Variants in WASF3 observed in about 807,000 individuals in gnomAD.
The protein encoded by WASF3 is actin-binding protein WASF3.
A neutral mutation model predicts 46.6 loss-of-function variants in WASF3; 11 were observed. The observed-to-expected ratio is 0.24, with a 90% CI of 0.15 to 0.39. The LOEUF (loss-of-function observed/expected upper bound fraction) is 0.39. WASF3 is among the 10% of genes least tolerant of loss of function. WASF3 has a pLI of 1.00. For missense variants in WASF3, 576 were observed against 669.8 expected (o/e 0.86, Z 1.55); for synonymous variants, 242 against 259.7 (o/e 0.93, Z 0.65).
At chr13:26,608,513 A>G (rs1443173010) in intron 1 of WASF3, among the ~76,000 whole-genome samples, 1 of 152,098 alleles carries the variant, frequency 6.6e-6, no homozygotes, top group African/African-American at 2.4e-5. Flanking sequence ...GTATTTATTT[A>G]TGTTTGTTTA....
chr13:26,613,956 C>T (rs1322749642), intron 2 of WASF3, among the ~76,000 whole-genome samples: 2 of 152,146 alleles, frequency 1.3e-5, no homozygotes, highest in Non-Finnish European at 2.9e-5. Flanking sequence ...ACTAGTAGGG[C>T]AAGTTATTTC....
intron 1 of WASF3, among the ~76,000 whole-genome samples, chr13:26,569,845 A>G (rs971925250): frequency 9.9e-5 from 15 of 152,258 alleles, no homozygotes; most frequent in African/African-American, 3.4e-4. Context: ...ACAGATAACA[A>G]TGTCAGCCAT....
At chr13:26,670,991 A>AT (rs1358766021) in intron 5 of WASF3, among the ~76,000 whole-genome samples, 7 of 152,200 alleles carry the variant, frequency 4.6e-5, no homozygotes, top group Admixed American at 3.3e-4. Flanking sequence ...TCCTATACTC[A>AT]TTTAACTGAT....
intron 1 of WASF3, among the ~76,000 whole-genome samples, chr13:26,582,694 A>AAC (rs1446966570): frequency 6.6e-6 from 1 of 150,998 alleles, no homozygotes; most frequent in Non-Finnish European, 1.5e-5. Context: ...AAAAAAAAAA[A>AAC]AAAAAGCCTA....
chr13:26,562,503 G>A (rs1879324084), intron 1 of WASF3, among the ~76,000 whole-genome samples: 1 of 152,106 alleles, frequency 6.6e-6, no homozygotes, highest in Non-Finnish European at 1.5e-5. Flanking sequence ...GGTGGTTAGG[G>A]GTGGTTATAG....
chr13:26,625,997 G>A (rs1190492543), intron 2 of WASF3: 1 of 152,046 alleles, frequency 6.6e-6, no homozygotes, highest in Admixed American at 6.6e-5. Flanking sequence ...AGAACAGGTG[G>A]GACAAATAGA....
upstream of WASF3, among the ~76,000 whole-genome samples, chr13:26,553,548 T>C (rs1879013683): frequency 6.6e-6 from 1 of 152,098 alleles, no homozygotes; most frequent in African/African-American, 2.4e-5. Context: ...CCGGGCACGG[T>C]GGCTCACGCC....
Position 26,682,485 on chromosome 13 carries a change from G to A in WASF3, c.984-122G>A. The A allele has an allele frequency of 8.6e-7, 1 of 1,163,730 alleles. No individual in the cohort carries two copies. Among genetic ancestry groups the A allele is most frequent in the Non-Finnish European group, 1.2e-6 (1 of 802,382 alleles). The allele number at this position is 1,163,730 out of a possible 1,614,324, so 72.1% of individuals were successfully genotyped here. A position where few individuals can be genotyped will look rare whatever the true frequency, so the allele number is the denominator to read the frequency against. On this transcript the variant is annotated intron_variant, in intron 8 of 9. Coordinates refer to ENST00000335327, the MANE Select transcript of WASF3 (RefSeq NM_006646.6). The surrounding 1 kb of genome is among the most constrained non-coding windows in gnomAD (Gnocchi z 4.4). ...GGTGTGCATGTTTGCATCCTGCCATGATTGAAGTTCAGGTGACAATACGTG... is the reference window on the plus strand; with the variant it reads ...GGTGTGCATGTTTGCATCCTGCCATAATTGAAGTTCAGGTGACAATACGTG...
chr13:26,545,171 G>T, the WASF3 span, among the ~76,000 whole-genome samples: 1 of 152,168 alleles, frequency 6.6e-6, no homozygotes, highest in South Asian at 2.1e-4. Context: ...TAGGAGCTCT[G>T]CTGCTGTTTG....
intron 1 of WASF3, among the ~76,000 whole-genome samples, chr13:26,574,631 T>C (rs1440136978): frequency 6.6e-6 from 1 of 152,178 alleles, no homozygotes; most frequent in Non-Finnish European, 1.5e-5. Flanking sequence ...TTAAGCTGAT[T>C]CATATTAATT....
chr13:26,600,776 A>G (rs1324379398), intron 1 of WASF3, among the ~76,000 whole-genome samples: 1 of 152,140 alleles, frequency 6.6e-6, no homozygotes, highest in African/African-American at 2.4e-5. Flanking sequence ...TGCATTACTT[A>G]TTACCTCCAA....
intron 6 of WASF3, 104 bp from the exon 7 acceptor site, chr13:26,676,444 TG>T: frequency 8.0e-7 from 1 of 1,254,990 alleles, no homozygotes; most frequent in Admixed American, 2.3e-5. Flanking sequence ...GAATGTGTCT[TG>T]TCTGTTCATC....
chr13:26,539,911 A>G, the WASF3 span, among the ~76,000 whole-genome samples: 1 of 152,164 alleles, frequency 6.6e-6, no homozygotes, highest in African/African-American at 2.4e-5. Context: ...TCTACAGGTC[A>G]AAGTCCCTTC....
At chr13:26,606,766 A>C (rs1286748573) in intron 1 of WASF3, 1 of 152,066 alleles carries the variant, frequency 6.6e-6, no homozygotes, top group Non-Finnish European at 1.5e-5. Flanking sequence ...TCTTGGTGTC[A>C]CTGTTCCTCT....
At chr13:26,646,485 G>C (rs2137421178) in intron 3 of WASF3, among the ~76,000 whole-genome samples, 1 of 152,156 alleles carries the variant, frequency 6.6e-6, no homozygotes, top group East Asian at 1.9e-4. Context: ...AATGAGAATG[G>C]ATCATCTTAA....
intron 2 of WASF3, among the ~76,000 whole-genome samples, chr13:26,630,403 T>TG (rs1340143771): frequency 6.6e-6 from 1 of 152,136 alleles, no homozygotes; most frequent in African/African-American, 2.4e-5. Flanking sequence ...AGTGAGAACA[T>TG]GCAGTGTTTG....
At chr13:26,667,467 A>C (rs773690969) in intron 4 of WASF3, 50 bp from the exon 5 acceptor site, 3 of 1,531,100 alleles carry the variant, frequency 2.0e-6, no homozygotes, top group Non-Finnish European at 2.7e-6. Context: ...ACTTCTAAAC[A>C]GTTAAAAATA....
intron 2 of WASF3, among the ~76,000 whole-genome samples, chr13:26,627,886 TAATAAAG>T (rs1391703456): frequency 7.2e-6 from 1 of 138,610 alleles, no homozygotes; most frequent in East Asian, 2.1e-4. Context: ...TAAAGTATAA[TAATAAAG>T]AAAAAAAAAC....
chr13:26,665,546 T>C (rs1347664211), intron 4 of WASF3, among the ~76,000 whole-genome samples: 1 of 152,126 alleles, frequency 6.6e-6, no homozygotes, highest in East Asian at 1.9e-4. Flanking sequence ...ACACATACCT[T>C]GTGTGACACA....
Sources: allele counts gnomAD v4.1 joint callset (sites outside exome capture counted in the v4.1 genomes callset), GRCh38; gene constraint gnomAD v4.1.1; non-coding constraint Gnocchi (gnomAD v3.1); transcripts MANE v1.5; gene names NCBI Gene and HGNC (gene_info 2026-07-23, HGNC 2026-07-21).